Variants in DUSP22 observed in about 807,000 individuals in gnomAD.
DUSP22 encodes dual specificity protein phosphatase 22.
DUSP22 carries 24 observed loss-of-function variants against 24.5 expected under a neutral mutation model. The observed-to-expected ratio is 0.98, with a 90% CI of 0.71 to 1.38. The LOEUF (loss-of-function observed/expected upper bound fraction) is 1.38. DUSP22 is among the 40% of genes most tolerant of loss of function. DUSP22 has a pLI of 0.00. For missense variants in DUSP22, 330 were observed against 269.2 expected, an observed-to-expected ratio of 1.23 and a Z score of -1.58; for synonymous variants, 160 against 106.4, an observed-to-expected ratio of 1.50 and a Z score of -3.10.
chr6:302,644 A>G (rs931445423), intron 1 of DUSP22, among the ~76,000 whole-genome samples: 1 of 152,304 alleles, frequency 6.6e-6, no homozygotes, highest in Non-Finnish European at 1.5e-5. Context: ...TTTAGCCACT[A>G]TGATACGTTC....
intron 1 of DUSP22, among the ~76,000 whole-genome samples, chr6:303,040 G>A (rs1420494760): frequency 2.6e-5 from 4 of 152,304 alleles, no homozygotes; most frequent in Admixed American, 6.5e-5. Flanking sequence ...CCTGACTAAA[G>A]TTTGGTCAAG....
At position 292,842 on chromosome 6, in the gene DUSP22, G is replaced by A. The variant is rs560530509; in HGVS notation, c.21+282G>A. On this transcript the variant is annotated intron_variant, in intron 1 of 6. Coordinates refer to ENST00000419235, the MANE Select transcript of DUSP22 (RefSeq NM_001286555.3). ...ACAAGCCGCGCCCTTTGAAAGCGTT[G>A]ACACTTGTTCTGCCGAGAGGTCAGC... Among the ~76,000 whole-genome samples, 9 of 152,380 alleles carry A rather than the reference G, an allele frequency of 5.9e-5. No individual in the cohort carries two copies. The South Asian group carries it at 1.4e-3, about 25-fold the overall frequency.
At chr6:306,820 A>G (rs1182319962) in intron 2 of DUSP22, among the ~76,000 whole-genome samples, 2 of 152,310 alleles carry the variant, frequency 1.3e-5, no homozygotes, top group Non-Finnish European at 2.9e-5. Context: ...CAGCAGGTGC[A>G]GAACAGGAAG....
At chr6:348,747 G>A (rs763630520) in intron 6 of DUSP22, 22 bp from the exon 7 acceptor site, 5 of 1,613,920 alleles carry the variant, frequency 3.1e-6, no homozygotes, top group Admixed American at 3.3e-5. Flanking sequence ...TGACGTTTCG[G>A]GTTTGTTTCC....
Position 311,903 on chromosome 6 carries a change from A to C in DUSP22, c.79A>C (p.Ser27Arg). Reference protein sequence around the residue: ...FKDARDAEQLSKNKVTHILSV... With the variant: ...FKDARDAEQLRKNKVTHILSV... ...AGATGCCAGAGACGCGGAACAATTG[A>C]GCAAGAACAAGGTGACACATATTCT... The change falls in exon 3 of 7, where the codon AGC becomes CGC. Residue 27 changes from serine to arginine, a missense_variant. Coordinates refer to ENST00000419235, the MANE Select transcript of DUSP22 (RefSeq NM_001286555.3). The C allele has an allele frequency of 6.2e-7, 1 of 1,612,674 alleles. No homozygotes were observed. Among genetic ancestry groups the C allele is most frequent in the Non-Finnish European group, 8.5e-7 (1 of 1,179,142 alleles).
chr6:322,825 C>A (rs1254780590), intron 3 of DUSP22, among the ~76,000 whole-genome samples: 1 of 48,718 alleles, frequency 2.1e-5, no homozygotes, highest in African/African-American at 9.2e-5. Flanking sequence ...GTTATGGCTG[C>A]TTGGTGGGGC....
chr6:318,148 AG>A (rs1288299892), intron 3 of DUSP22, among the ~76,000 whole-genome samples: 1 of 152,308 alleles, frequency 6.6e-6, no homozygotes, highest in Non-Finnish European at 1.5e-5. Flanking sequence ...TGTTACAACC[AG>A]TAATCCCCTG....
intron 6 of DUSP22, 163 bp downstream of exon 6, chr6:348,437 ATCCC>A: frequency 8.3e-7 from 1 of 1,204,968 alleles, no homozygotes. Flanking sequence ...AGTCGTCACG[ATCCC>A]TCGTGCACCT....
intron 4 of DUSP22, among the ~76,000 whole-genome samples, chr6:345,025 A>C (rs1759791360): frequency 6.6e-6 from 1 of 152,308 alleles, no homozygotes; most frequent in African/African-American, 2.4e-5. Flanking sequence ...GTCTGTGGTA[A>C]CTATGTGTTT....
At chr6:322,435 A>C (rs959286955) in intron 3 of DUSP22, among the ~76,000 whole-genome samples, 29 of 152,290 alleles carry the variant, frequency 1.9e-4, no homozygotes, top group Admixed American at 1.7e-3. Context: ...CTCTGGCCCC[A>C]GTGTAGAGCT....
intron 3 of DUSP22, among the ~76,000 whole-genome samples, chr6:322,080 C>T (rs1758618019): frequency 6.6e-6 from 1 of 152,300 alleles, no homozygotes; most frequent in Non-Finnish European, 1.5e-5. Flanking sequence ...TGCATATCAT[C>T]TACATAGTGT....
rs1760091479 is a variant in DUSP22, at chr6:349,695, T to C, written c.*744T>C. Reference sequence around the variant, plus strand: ...ATACCAACTCAGCATTTAAGGGAAGTATCTTAGATTGCCTCCATCTCAATG... The same window carrying C: ...ATACCAACTCAGCATTTAAGGGAAGCATCTTAGATTGCCTCCATCTCAATG... On this transcript the variant is annotated 3_prime_UTR_variant, in exon 7 of 7. Transcript: ENST00000419235. The C allele has an allele frequency of 2.0e-6, 2 of 985,842 alleles. No homozygotes were observed. The highest frequency in any genetic ancestry group is 4.7e-5 in the South Asian group (1 of 21,306). 61.1% of individuals were successfully genotyped at this position (985,842 alleles called of 1,614,324 possible).
At position 350,327 on chromosome 6, in the gene DUSP22, C is replaced by A. The variant is rs538729101; in HGVS notation, c.*1376C>A. On this transcript the variant is annotated 3_prime_UTR_variant, in exon 7 of 7. Coordinates refer to ENST00000419235, the MANE Select transcript of DUSP22 (RefSeq NM_001286555.3). ...CTGGGGCTGCAGGCATCCTGGGACG[C>A]TGTACGCAATTCAGTGGTCTAGTCC... 2.0e-6 allele frequency: 2 copies of A among 1,007,236 alleles called. No individual in the cohort carries two copies. Among genetic ancestry groups the A allele is most frequent in the South Asian group, 8.4e-5 (2 of 23,874 alleles). The allele number at this position is 1,007,236 out of a possible 1,614,324, so 62.4% of individuals were successfully genotyped here.
chr6:327,668 G>T (rs906624817), intron 3 of DUSP22, among the ~76,000 whole-genome samples: 3 of 152,300 alleles, frequency 2.0e-5, no homozygotes, highest in Non-Finnish European at 2.9e-5. Flanking sequence ...GCCCAGCGTG[G>T]GGCTGAAGTC....
chr6:348,882 C>A lies in DUSP22; in HGVS notation c.549C>A (p.Gly183=). 1 of 1,614,184 alleles carries A rather than the reference C, an allele frequency of 6.2e-7. No individual in the cohort carries two copies. Among genetic ancestry groups the A allele is most frequent in the Non-Finnish European group, 8.5e-7 (1 of 1,180,008 alleles). ...AAGGGCGCACAGAGCCCCAGCCCGG[C>A]GCCAGGCGGTGGAGCAGTTTTCCGG... ...KEQGRTEPQP[G]ARRWSSFPAL... The change falls in exon 7 of 7, where the codon GGC becomes GGA. Residue 183 remains glycine, a synonymous_variant. Transcript: ENST00000419235.
At chr6:314,007 CTGAGA>C (rs1447895086) in intron 3 of DUSP22, among the ~76,000 whole-genome samples, 2 of 152,306 alleles carry the variant, frequency 1.3e-5, no homozygotes, top group East Asian at 3.8e-4. Context: ...CTCACGCAGC[CTGAGA>C]TGAGTCAGGG....
intron 3 of DUSP22, among the ~76,000 whole-genome samples, chr6:318,646 C>G (rs557957549): frequency 1.3e-5 from 2 of 152,408 alleles, no homozygotes; most frequent in East Asian, 1.9e-4. Context: ...TGTCCAGAAC[C>G]TGCAAGTCAC....
intron 4 of DUSP22, 114 bp downstream of exon 4, chr6:335,277 A>G (rs1252938965): frequency 2.1e-5 from 29 of 1,349,558 alleles, no homozygotes; most frequent in Non-Finnish European, 2.9e-5. Flanking sequence ...ACCCTTGCTG[A>G]CCCTGCCAGG....
intron 3 of DUSP22, among the ~76,000 whole-genome samples, chr6:318,040 G>C (rs1431153651): frequency 2.0e-5 from 3 of 152,300 alleles, no homozygotes; most frequent in African/African-American, 7.2e-5. Flanking sequence ...TGGGCAGTCT[G>C]TGTAGTTCCT....
Sources: gnomAD v4.1 joint callset for allele counts (sites outside exome capture counted in the v4.1 genomes callset) on GRCh38, gnomAD v4.1.1 for gene constraint, MANE v1.5 for transcripts, NCBI Gene and HGNC (gene_info 2026-07-23, HGNC 2026-07-21) for gene names.